PTPN4: variants seen among roughly 807,000 people sequenced by gnomAD.
PTPN4 encodes the protein protein tyrosine phosphatase non-receptor type 4.
In PTPN4, 49 loss-of-function variants were observed where a neutral mutation model predicts 135.5. The observed-to-expected ratio is 0.36, with a 90% CI of 0.29 to 0.46. PTPN4 has a LOEUF of 0.46. Ranked by LOEUF, PTPN4 falls within the 20% of genes least tolerant of loss-of-function variation. PTPN4 has a pLI of 1.00. For missense variants in PTPN4, 860 were observed against 1,101.0 expected (o/e 0.78, Z 3.10); for synonymous variants, 333 against 369.9 (o/e 0.90, Z 1.14).
At chr2:119,862,903 C>T (rs868410022) in intron 3 of PTPN4, among the ~76,000 whole-genome samples, 8 of 151,976 alleles carry the variant, frequency 5.3e-5, no homozygotes, top group Non-Finnish European at 5.9e-5. Context: ...AAAAGTAAAT[C>T]CAATTTATGC....
intron 1 of PTPN4, among the ~76,000 whole-genome samples, chr2:119,761,378 A>G (rs1373670968): frequency 6.6e-6 from 1 of 152,168 alleles, no homozygotes; most frequent in Non-Finnish European, 1.5e-5. Context: ...GGGGAAGGAG[A>G]TGGCCTTAAA....
At chr2:119,770,707 A>G (rs1381364079) in intron 1 of PTPN4, among the ~76,000 whole-genome samples, 1 of 151,950 alleles carries the variant, frequency 6.6e-6, no homozygotes, top group African/African-American at 2.4e-5. Flanking sequence ...AGTATGTTCT[A>G]TTGTATAGAT....
intron 1 of PTPN4, among the ~76,000 whole-genome samples, chr2:119,798,332 A>C (rs1691301752): frequency 6.6e-6 from 1 of 151,968 alleles, no homozygotes; most frequent in Non-Finnish European, 1.5e-5. Context: ...ATGCCTGGCT[A>C]ATTTTTGTAT....
intron 15 of PTPN4, among the ~76,000 whole-genome samples, chr2:119,942,790 C>A (rs766205610): frequency 6.6e-6 from 1 of 152,074 alleles, no homozygotes; most frequent in African/African-American, 2.4e-5. Flanking sequence ...TGTAGTAGGC[C>A]GTGGTTGAGT....
chr2:119,814,269 G>A (rs765412422), intron 2 of PTPN4, among the ~76,000 whole-genome samples: 2 of 152,148 alleles, frequency 1.3e-5, no homozygotes, highest in African/African-American at 2.4e-5. Context: ...TGCAGGCTCT[G>A]TCTGTACAAT....
intron 11 of PTPN4, 25 bp from the exon 12 acceptor site, chr2:119,920,044 C>G: frequency 1.3e-6 from 2 of 1,580,296 alleles, no homozygotes; most frequent in Non-Finnish European, 8.6e-7. Context: ...TCCTGGTATT[C>G]TCTGCATTTT....
intron 15 of PTPN4, among the ~76,000 whole-genome samples, chr2:119,939,959 C>G (rs1338771362): frequency 1.3e-5 from 2 of 152,190 alleles, no homozygotes; most frequent in African/African-American, 4.8e-5. Flanking sequence ...CTGTTGTATT[C>G]ATGGCTTCAA....
At chr2:119,856,093 C>G (rs974356954) in intron 2 of PTPN4, among the ~76,000 whole-genome samples, 1 of 152,094 alleles carries the variant, frequency 6.6e-6, no homozygotes, top group South Asian at 2.1e-4. Context: ...CATGAGCCAC[C>G]GCGCCCAGCC....
Position 119,946,582 on chromosome 2 carries a change from A to G in PTPN4, c.1656+8A>G. ...GTAGCACCAGGAACACCTGTGAGTT[A>G]TCTAAATGTTTCAAATAAATCCTGT... is the stretch of plus-strand genomic sequence containing the variant. On this transcript the variant is annotated splice_region_variant and intron_variant, in intron 18 of 26. Transcript: ENST00000263708. The G allele has an allele frequency of 6.6e-7, 1 of 1,514,262 alleles. No individual in the cohort carries two copies. Among genetic ancestry groups the G allele is most frequent in the Non-Finnish European group, 9.0e-7 (1 of 1,115,976 alleles). 93.8% of individuals were successfully genotyped at this position (1,514,262 alleles called of 1,614,324 possible).
At chr2:119,968,099 C>A in intron 26 of PTPN4, 127 bp downstream of exon 26, 1 of 815,248 alleles carries the variant, frequency 1.2e-6, no homozygotes, top group Non-Finnish European at 1.8e-6. Context: ...CAAATAACCT[C>A]TAGCACAGGG....
At chr2:119,962,498 A>T in intron 23 of PTPN4, 118 bp from the exon 24 acceptor site, 1 of 590,394 alleles carries the variant, frequency 1.7e-6, no homozygotes, top group Non-Finnish European at 2.4e-6. Flanking sequence ...GAAATTTATT[A>T]AATTTTTCTT....
chr2:119,951,952 C>G (rs746116846), intron 18 of PTPN4, 21 bp from the exon 19 acceptor site: 5 of 1,559,438 alleles, frequency 3.2e-6, no homozygotes, highest in Non-Finnish European at 4.3e-6. Context: ...AATCTGAAAC[C>G]TTATCTATAT....
chr2:119,895,841 C>T (rs1558757627), intron 9 of PTPN4, among the ~76,000 whole-genome samples: 1 of 150,592 alleles, frequency 6.6e-6, no homozygotes, highest in Non-Finnish European at 1.5e-5. Flanking sequence ...GGCGTGAACC[C>T]AGGAGGCGGA....
intron 1 of PTPN4, among the ~76,000 whole-genome samples, chr2:119,774,512 C>T (rs1690795654): frequency 1.3e-5 from 2 of 152,102 alleles, no homozygotes; most frequent in South Asian, 4.1e-4. Context: ...TGCAGGATTG[C>T]TATTAGAAAG....
chr2:119,897,910 G>A (rs1459001562), intron 9 of PTPN4, among the ~76,000 whole-genome samples: 1 of 152,296 alleles, frequency 6.6e-6, no homozygotes, highest in East Asian at 1.9e-4. Flanking sequence ...TGATGTAATT[G>A]TTTGTTGATG....
At chr2:119,787,025 A>G (rs1427683311) in intron 1 of PTPN4, among the ~76,000 whole-genome samples, 2 of 152,182 alleles carry the variant, frequency 1.3e-5, no homozygotes, top group South Asian at 2.1e-4. Flanking sequence ...AATATGGGAC[A>G]ATGGTGGGAG....
chr2:119,935,104 T>A, intron 15 of PTPN4, 146 bp downstream of exon 15: 1 of 960,256 alleles, frequency 1.0e-6, no homozygotes, highest in South Asian at 1.8e-5. Context: ...TATGCTCATT[T>A]GTTCCTGAGA....
rs578253912 is a variant in PTPN4, at chr2:119,931,272, A to G, written c.1071-1152A>G. The stretch of plus-strand genomic sequence containing the variant: ...TTCATAAAGCCAGGCATTTAAAGAA[A>G]TAACATATATTTTCAGCTAATTTTG... On this transcript the variant is annotated intron_variant, in intron 13 of 26. Transcript: ENST00000263708. 2.0e-5 allele frequency among the ~76,000 whole-genome samples: 3 copies of G among 152,218 alleles called. No homozygotes were observed. In the East Asian group the frequency reaches 5.8e-4, roughly 29 times the overall value.
intron 5 of PTPN4, among the ~76,000 whole-genome samples, chr2:119,879,017 C>G (rs192007684): frequency 3.4e-5 from 5 of 148,472 alleles, no homozygotes; most frequent in African/African-American, 1.2e-4. Context: ...GGCATGAACC[C>G]GGGAGGCAGA....
Sources: allele counts gnomAD v4.1 joint callset (sites outside exome capture counted in the v4.1 genomes callset), GRCh38; gene constraint gnomAD v4.1.1; transcripts MANE v1.5; gene names NCBI Gene and HGNC (gene_info 2026-07-23, HGNC 2026-07-21).